The following CFH variants were observed in gnomAD, a reference collection of about 807,000 sequenced individuals.
CFH encodes H factor 1 (complement).
A neutral mutation model predicts 147.3 loss-of-function variants in CFH; 53 were observed. The observed-to-expected ratio is 0.36, with a 90% confidence interval of 0.29 to 0.45. The LOEUF (loss-of-function observed/expected upper bound fraction) is 0.45, where lower values mean the gene tolerates loss of function less well. Among genes scored for constraint, CFH ranks in the 20% least tolerant of loss-of-function variants. The pLI, the probability that CFH is intolerant of heterozygous loss-of-function variation, is 1.00. For missense variants in CFH, 1,380 were observed against 1,498.0 expected, an observed-to-expected ratio of 0.92 and a Z score of 1.30; for synonymous variants, 536 against 489.4, an observed-to-expected ratio of 1.10 and a Z score of -1.26.
intron 2 of CFH, 91 bp from the exon 3 acceptor site, chr1:196,673,766 T>C (rs1457560462): frequency 1.2e-6 from 1 of 828,860 alleles, no homozygotes; most frequent in Non-Finnish European, 2.1e-6. Context: ...TGTCTTCTTA[T>C]ATAATATCAA....
intron 9 of CFH, among the ~76,000 whole-genome samples, chr1:196,691,153 C>T (rs1558162564): frequency 1.3e-5 from 2 of 151,750 alleles, no homozygotes; most frequent in African/African-American, 2.4e-5. Context: ...ACTCCTATAT[C>T]AATATTAATA....
At chr1:196,746,938 G>T (rs1423978977) in intron 21 of CFH, among the ~76,000 whole-genome samples, 173 bp from the exon 22 acceptor site, 2 of 151,960 alleles carry the variant, frequency 1.3e-5, no homozygotes, top group Non-Finnish European at 2.9e-5. Context: ...TTTTCACATC[G>T]ATTACCATTC....
At chr1:196,682,116 G>C (rs79280898) in intron 6 of CFH, among the ~76,000 whole-genome samples, 6 of 151,854 alleles carry the variant, frequency 4.0e-5, no homozygotes, top group Admixed American at 6.6e-5. Flanking sequence ...TGGTCTCTGT[G>C]TCCAATAGGG....
At chr1:196,706,100 G>C (rs1212460510) in intron 9 of CFH, among the ~76,000 whole-genome samples, 1 of 151,788 alleles carries the variant, frequency 6.6e-6, no homozygotes, top group Non-Finnish European at 1.5e-5. Flanking sequence ...GATCCTAGAT[G>C]CAGAGACACT....
At chr1:196,696,787 G>A (rs1376899418) in intron 9 of CFH, among the ~76,000 whole-genome samples, 1 of 152,160 alleles carries the variant, frequency 6.6e-6, no homozygotes, top group Non-Finnish European at 1.5e-5. Context: ...AAATAGCATG[G>A]TACTGGTACC....
In CFH at chr1:196,713,940, A is replaced by G. The variant is rs35923803; in HGVS notation, c.1519+23A>G. The stretch of plus-strand genomic sequence containing the variant: ...TTAGTAAGTAATTTATTATGTTTGT[A>G]TTGATTATCCAGATGATACACAAAA... On this transcript the variant is annotated intron_variant, in intron 10 of 21. Transcript: ENST00000367429. 2.7e-3 allele frequency: 4,336 copies of G among 1,600,502 alleles called. 117 individuals carry two copies. The African/African-American group carries it at 0.051, about 19-fold the overall frequency.
At chr1:196,724,692 CT>C (rs1177528812) in intron 11 of CFH, among the ~76,000 whole-genome samples, 1 of 152,162 alleles carries the variant, frequency 6.6e-6, no homozygotes, top group African/African-American at 2.4e-5. Flanking sequence ...AACTTTGGTT[CT>C]TCTTTCTGAG....
intron 14 of CFH, among the ~76,000 whole-genome samples, chr1:196,727,557 AATT>A (rs1196296738): frequency 1.3e-5 from 2 of 152,082 alleles, no homozygotes; most frequent in African/African-American, 4.8e-5. Context: ...ATTACTGAGA[AATT>A]ATAACAGTTT....
chr1:196,677,464 T>C lies in CFH; in HGVS notation c.428-12T>C, dbSNP rs368004833. ...AAATTCCATTAGAAAACATTACATG[T>C]ATTTTCTTCAGTTGTGAAGTGTTTA... On this transcript the variant is annotated splice_polypyrimidine_tract_variant and intron_variant, in intron 4 of 21. Coordinates refer to ENST00000367429, the MANE Select transcript of CFH (RefSeq NM_000186.4). The C allele has an allele frequency of 9.3e-6, 15 of 1,611,048 alleles. No homozygotes were observed. Among genetic ancestry groups the C allele is most frequent in the Non-Finnish European group, 1.3e-5 (15 of 1,177,746 alleles).
rs521605 is a variant in CFH at position 196,660,306 on chromosome 1, A to G, written c.58+8131A>G. On this transcript the variant is annotated intron_variant, in intron 1 of 21. Transcript: ENST00000367429. The stretch of plus-strand genomic sequence containing the variant: ...CAGCGTGACTTTGCACAGTAAATAC[A>G]TGGGAGATTTAACATGATGAGATCC... 2.4e-3 allele frequency among the ~76,000 whole-genome samples: 372 copies of G among 152,362 alleles called. 1 individual carries two copies. Among genetic ancestry groups the G allele is most frequent in the African/African-American group, 8.6e-3 (357 of 41,580 alleles).
At chr1:196,714,654 T>G (rs1668811029) in intron 10 of CFH, among the ~76,000 whole-genome samples, 9 of 50,044 alleles carry the variant, frequency 1.8e-4, no homozygotes, top group Admixed American at 2.6e-4. Flanking sequence ...TATATATATA[T>G]ATATATATAT....
intron 10 of CFH, 51 bp from the exon 11 acceptor site, chr1:196,715,542 T>C (rs755717643): frequency 1.4e-6 from 2 of 1,381,368 alleles, no homozygotes; most frequent in South Asian, 2.3e-5. Flanking sequence ...AATACTCAGA[T>C]TGTTTATTAG....
chr1:196,675,861 A>G (rs1008442813), intron 3 of CFH, 128 bp from the exon 4 acceptor site: 2 of 582,414 alleles, frequency 3.4e-6, no homozygotes, highest in African/African-American at 1.9e-5. Flanking sequence ...AAGAAACAAG[A>G]AACAAGAAAA....
Position 196,728,450 on chromosome 1 carries a change from T to C in CFH, c.2341T>C (p.Cys781Arg). The C allele has an allele frequency of 1.2e-6, 2 of 1,612,500 alleles. No individual in the cohort carries two copies. Among genetic ancestry groups the C allele is most frequent in the South Asian group, 1.1e-5 (1 of 91,048 alleles). The change falls in exon 15 of 22, where the codon TGT (cysteine) becomes CGT (arginine). Residue 781 changes from cysteine (C) to arginine (R), a missense_variant. By Grantham distance (180) the Cys-to-Arg change is radical. Around this residue, in one of 4 missense-constraint regions of CFH, gnomAD observed 830 missense variants for 821.4 expected, o/e 1.01. Transcript: ENST00000367429. ...FDHNSNIRYR[C>R]RGKEGWIHTV... ...TCATAATTCTAACATAAGGTACAGATGTAGAGGAAAAGAAGGATGGATACA... is the reference window on the plus strand; with the variant it reads ...TCATAATTCTAACATAAGGTACAGACGTAGAGGAAAAGAAGGATGGATACA...
At chr1:196,672,205 G>C (rs1487250416) in intron 1 of CFH, among the ~76,000 whole-genome samples, 1 of 152,016 alleles carries the variant, frequency 6.6e-6, no homozygotes, top group Admixed American at 6.6e-5. Context: ...CTTCCATTCA[G>C]ACTAAATAGA....
intron 9 of CFH, among the ~76,000 whole-genome samples, chr1:196,705,067 G>A (rs572110277): frequency 2.0e-5 from 3 of 152,150 alleles, no homozygotes; most frequent in Non-Finnish European, 2.9e-5. Flanking sequence ...CTCACTAACC[G>A]TCCGGGGGAA....
At chr1:196,742,111 G>A (rs1329141634) in intron 19 of CFH, 60 bp downstream of exon 19, 27 of 1,547,090 alleles carry the variant, frequency 1.7e-5, no homozygotes, top group Middle Eastern at 1.8e-4. Context: ...CCAGTGGCTG[G>A]CGCCTGTAAT....
At chr1:196,673,327 C>T in intron 2 of CFH, 164 bp downstream of exon 2, 1 of 701,116 alleles carries the variant, frequency 1.4e-6, no homozygotes, top group Non-Finnish European at 2.3e-6. Context: ...GGCTCTGTCA[C>T]CTAGGCTGCA....
intron 11 of CFH, among the ~76,000 whole-genome samples, chr1:196,723,769 G>A (rs1367986922): frequency 6.6e-6 from 1 of 151,972 alleles, no homozygotes; most frequent in Non-Finnish European, 1.5e-5. Context: ...AAGACCCTGG[G>A]GAGATACCCG....
Sources: allele counts gnomAD v4.1 joint callset (sites outside exome capture counted in the v4.1 genomes callset), GRCh38; gene constraint gnomAD v4.1.1; regional missense constraint gnomAD v4.1.1; transcripts MANE v1.5; gene names NCBI Gene and HGNC (gene_info 2026-07-23, HGNC 2026-07-21).